The following CCSER1 variants were observed in gnomAD, a reference collection of about 807,000 sequenced individuals.
The protein encoded by CCSER1 is serine-rich coiled-coil domain-containing protein 1.
CCSER1 carries 41 observed loss-of-function variants against 82.0 expected under a neutral mutation model. The observed-to-expected ratio is 0.50, with a 90% CI of 0.39 to 0.65. The LOEUF is 0.65. Ranked by LOEUF, CCSER1 falls within the 30% of genes least tolerant of loss-of-function variation. CCSER1 has a pLI of 0.00. For synonymous variants in CCSER1, 414 were observed against 383.9 expected (o/e 1.08, Z -0.92); for missense variants, 1,119 against 1,064.2 (o/e 1.05, Z -0.72).
At chr4:91,089,468 G>T (rs531576832) in intron 10 of CCSER1, among the ~76,000 whole-genome samples, 17 of 152,222 alleles carry the variant, frequency 1.1e-4, no homozygotes, top group African/African-American at 4.1e-4. Context: ...AATATGGGGG[G>T]ATCTCTTTCT....
chr4:90,737,163 T>C (rs747180998), intron 7 of CCSER1, among the ~76,000 whole-genome samples: 1 of 152,162 alleles, frequency 6.6e-6, no homozygotes, highest in Non-Finnish European at 1.5e-5. Context: ...GTTACGGTGT[T>C]ATAATATTCT....
intron 6 of CCSER1, among the ~76,000 whole-genome samples, chr4:90,699,379 C>T (rs925242801): frequency 6.6e-6 from 1 of 152,110 alleles, no homozygotes; most frequent in Non-Finnish European, 1.5e-5. Context: ...GCATGAGAAT[C>T]TCTTGAACCT....
At chr4:91,163,279 C>G (rs768199459) in intron 10 of CCSER1, among the ~76,000 whole-genome samples, 248 of 152,192 alleles carry the variant, frequency 1.6e-3, no homozygotes, top group Non-Finnish European at 2.9e-3. Context: ...AGTTTGAGTA[C>G]ACTATGGTCT....
chr4:90,414,058 T>A (rs1264927432), intron 4 of CCSER1, among the ~76,000 whole-genome samples: 4 of 134,986 alleles, frequency 3.0e-5, no homozygotes, highest in African/African-American at 1.1e-4. Flanking sequence ...AGAAATAAAA[T>A]ATGTTTTATA....
At chr4:91,387,049 A>G (rs1377179174) in intron 10 of CCSER1, among the ~76,000 whole-genome samples, 2 of 152,066 alleles carry the variant, frequency 1.3e-5, no homozygotes, top group African/African-American at 2.4e-5. Context: ...CAAAATTAAG[A>G]TCATTCATAA....
chr4:90,410,500 T>G (rs76714427), intron 4 of CCSER1, among the ~76,000 whole-genome samples: 2 of 152,066 alleles, frequency 1.3e-5, no homozygotes, highest in Non-Finnish European at 2.9e-5. Context: ...CTCAAGTACA[T>G]GGAAACTGAA....
chr4:91,342,996 C>T lies in CCSER1; in HGVS notation c.2218-255576C>T, dbSNP rs532790898. Among the ~76,000 whole-genome samples the T allele has an allele frequency of 8.6e-5, 13 of 151,962 alleles. No individual in the cohort carries two copies. In the East Asian group the frequency reaches 1.5e-3, roughly 18 times the overall value. ...TATGTAAGCAAATAAATGACATTCC[C>T]GTACTAGGAATATAAAAAATTCAGT... On this transcript the variant is annotated intron_variant, in intron 10 of 10. Coordinates refer to ENST00000509176, the MANE Select transcript of CCSER1 (RefSeq NM_001145065.2).
chr4:90,469,540 C>CACACACACACACACAT (rs1553919659), intron 5 of CCSER1, among the ~76,000 whole-genome samples: 24 of 151,250 alleles, frequency 1.6e-4, no homozygotes, highest in African/African-American at 5.6e-4. Context: ...CACACACACA[C>CACACACACACACACAT]ACACACACAC....
intron 8 of CCSER1, among the ~76,000 whole-genome samples, chr4:90,877,909 A>G (rs1485286010): frequency 6.6e-6 from 1 of 152,070 alleles, no homozygotes; most frequent in African/African-American, 2.4e-5. Context: ...GTTTTAGTGG[A>G]AAAAAACATC....
intron 1 of CCSER1, among the ~76,000 whole-genome samples, chr4:90,219,835 C>CT (rs1197178443): frequency 6.6e-6 from 1 of 152,100 alleles, no homozygotes; most frequent in East Asian, 1.9e-4. Context: ...TGCTAGAACT[C>CT]TGAGTCTTTA....
At chr4:90,300,632 TC>T (rs1732915191) in intron 1 of CCSER1, among the ~76,000 whole-genome samples, 1 of 152,072 alleles carries the variant, frequency 6.6e-6, no homozygotes, top group Non-Finnish European at 1.5e-5. Context: ...ATGAGGGGTG[TC>T]CAAATTCTAG....
rs1763013582 is a variant in CCSER1 at position 90,844,902 on chromosome 4, C to G, written c.2094+29057C>G. 2.0e-5 allele frequency among the ~76,000 whole-genome samples: 3 copies of G among 152,190 alleles called. No individual in the cohort carries two copies. In the South Asian group the frequency reaches 6.2e-4, roughly 32 times the overall value. On this transcript the variant is annotated intron_variant, in intron 8 of 10. Transcript: ENST00000509176. ...TTAGGATTTATAAGCCATATAGTCT[C>G]TGTCTCAATTAAACTTTGGCATTGT... is the stretch of plus-strand genomic sequence containing the variant.
At chr4:91,153,388 G>T (rs755272458) in intron 10 of CCSER1, among the ~76,000 whole-genome samples, 1 of 151,878 alleles carries the variant, frequency 6.6e-6, no homozygotes, top group Non-Finnish European at 1.5e-5. Flanking sequence ...TCTCTACGCT[G>T]TTTATTCTAG....
At chr4:91,371,319 A>G (rs1317741799) in intron 10 of CCSER1, among the ~76,000 whole-genome samples, 1 of 150,680 alleles carries the variant, frequency 6.6e-6, no homozygotes, top group Non-Finnish European at 1.5e-5. Flanking sequence ...TCCCAACACT[A>G]CCTTTCTCAG....
At chr4:91,200,296 T>A (rs185766843) in intron 10 of CCSER1, among the ~76,000 whole-genome samples, 408 of 150,704 alleles carry the variant, frequency 2.7e-3, no homozygotes, top group African/African-American at 9.8e-3. Context: ...TACCACAAAT[T>A]TTTTTTGGAT....
chr4:90,795,589 G>T (rs1755894978), intron 7 of CCSER1, among the ~76,000 whole-genome samples: 1 of 152,178 alleles, frequency 6.6e-6, no homozygotes, highest in South Asian at 2.1e-4. Context: ...TCAGGAGAAT[G>T]CTTCCAGCTT....
chr4:90,533,084 G>GTTTTTTTTTTTTTTTT (rs59215370), intron 5 of CCSER1, among the ~76,000 whole-genome samples: 1 of 88,994 alleles, frequency 1.1e-5, no homozygotes, highest in South Asian at 4.2e-4. Flanking sequence ...ATTTCTGTGG[G>GTTTTTTTTTTTTTTTT]TTTTTTTTTT....
chr4:90,449,324 A>G (rs1761115468), intron 4 of CCSER1, among the ~76,000 whole-genome samples: 2 of 152,288 alleles, frequency 1.3e-5, no homozygotes, highest in South Asian at 4.1e-4. Context: ...TGATGGGTTC[A>G]TGGGTGGCCA....
intron 10 of CCSER1, among the ~76,000 whole-genome samples, chr4:91,314,636 C>T (rs1745705274): frequency 6.6e-6 from 1 of 151,912 alleles, no homozygotes; most frequent in African/African-American, 2.4e-5. Flanking sequence ...CTAACAAAAG[C>T]TTTCTCCTCT....
Sources: gnomAD v4.1 joint callset for allele counts (sites outside exome capture counted in the v4.1 genomes callset) on GRCh38, gnomAD v4.1.1 for gene constraint, MANE v1.5 for transcripts, NCBI Gene and HGNC (gene_info 2026-07-23, HGNC 2026-07-21) for gene names.